Variants in OSBPL8 observed in about 807,000 individuals in gnomAD.
OSBPL8 encodes oxysterol binding protein like 8.
Under a neutral mutation model 125.5 loss-of-function variants are expected in OSBPL8, and 59 were observed. That is an observed-to-expected ratio of 0.47 (90% confidence interval 0.38 to 0.58). The LOEUF (loss-of-function observed/expected upper bound fraction) is 0.58. Among genes scored for constraint, OSBPL8 ranks in the 20% least tolerant of loss-of-function variants. The pLI is 0.00. For missense variants in OSBPL8, 758 were observed against 1,047.8 expected (o/e 0.72, Z 3.82); for synonymous variants, 330 against 338.9 (o/e 0.97, Z 0.29).
At chr12:76,532,535 T>G (rs1950373521) in intron 1 of OSBPL8, among the ~76,000 whole-genome samples, 2 of 152,180 alleles carry the variant, frequency 1.3e-5, no homozygotes, top group Non-Finnish European at 2.9e-5. Context: ...TATTATAAGA[T>G]TTCTAAAAAT....
chr12:76,509,672 A>G (rs1355093903), intron 1 of OSBPL8, among the ~76,000 whole-genome samples: 1 of 152,216 alleles, frequency 6.6e-6, no homozygotes, highest in Non-Finnish European at 1.5e-5. Flanking sequence ...AAAAATGATG[A>G]TGATAATAAT....
intron 2 of OSBPL8, among the ~76,000 whole-genome samples, chr12:76,464,972 T>C (rs890576861): frequency 2.6e-5 from 4 of 152,202 alleles, no homozygotes; most frequent in African/African-American, 9.6e-5. Context: ...CAGAGAGAGC[T>C]ATATAGTGCA....
At chr12:76,536,366 C>T (rs1239721301) in intron 1 of OSBPL8, among the ~76,000 whole-genome samples, 3 of 150,448 alleles carry the variant, frequency 2.0e-5, no homozygotes, top group Admixed American at 6.6e-5. Context: ...ACTAAAAATA[C>T]CAAAAAAAAA....
At chr12:76,528,062 C>A (rs1045108234) in intron 1 of OSBPL8, among the ~76,000 whole-genome samples, 7 of 152,176 alleles carry the variant, frequency 4.6e-5, no homozygotes, top group Non-Finnish European at 7.3e-5. Flanking sequence ...GTGGCTCACA[C>A]CTGTAATCCC....
At chr12:76,377,780 G>A (rs1338466262) in intron 16 of OSBPL8, among the ~76,000 whole-genome samples, 1 of 152,096 alleles carries the variant, frequency 6.6e-6, no homozygotes, top group Non-Finnish European at 1.5e-5. Flanking sequence ...AACCACCTGG[G>A]TTCAGATCCT....
At chr12:76,439,159 T>C (rs1871867393) in intron 4 of OSBPL8, among the ~76,000 whole-genome samples, 1 of 152,152 alleles carries the variant, frequency 6.6e-6, no homozygotes, top group African/African-American at 2.4e-5. Flanking sequence ...GGTGTGCAGA[T>C]CACGAGGTCA....
intron 8 of OSBPL8, among the ~76,000 whole-genome samples, chr12:76,396,213 C>A (rs1953794259): frequency 6.6e-6 from 1 of 152,060 alleles, no homozygotes; most frequent in Non-Finnish European, 1.5e-5. Context: ...ATGGAACTAA[C>A]TCGGTGATCC....
At position 76,479,496 on chromosome 12, in the gene OSBPL8, C is replaced by T. The variant is rs138109007; in HGVS notation, c.42+8014G>A. ...CCAATTAGAATTCTAATGTATACCA[C>T]TATCGAAATAACAGATCTAGGCAAT... On this transcript the variant is annotated intron_variant, in intron 2 of 23. Transcript: ENST00000261183. Among the ~76,000 whole-genome samples the T allele has an allele frequency of 7.0e-4, 106 of 152,296 alleles. 1 individual carries two copies. The East Asian group carries it at 0.019, about 28-fold the overall frequency.
intron 2 of OSBPL8, among the ~76,000 whole-genome samples, chr12:76,462,062 A>G (rs1280948994): frequency 6.6e-6 from 1 of 152,212 alleles, no homozygotes; most frequent in Non-Finnish European, 1.5e-5. Flanking sequence ...TAGATTTATC[A>G]GTAACTTCCT....
chr12:76,400,979 G>T (rs1016672014), intron 6 of OSBPL8, among the ~76,000 whole-genome samples: 1 of 151,540 alleles, frequency 6.6e-6, no homozygotes, highest in East Asian at 1.9e-4. Context: ...TGTAGAGATG[G>T]GGTTTCACTA....
chr12:76,552,975 G>T (rs889348828), intron 1 of OSBPL8, among the ~76,000 whole-genome samples: 1 of 152,076 alleles, frequency 6.6e-6, no homozygotes, highest in East Asian at 1.9e-4. Context: ...CTTCCAAATT[G>T]CTGATCTTAC....
intron 1 of OSBPL8, among the ~76,000 whole-genome samples, chr12:76,523,090 A>G (rs149520932): frequency 0.011 from 1,612 of 152,272 alleles, 18 homozygotes; most frequent in Non-Finnish European, 0.017. Flanking sequence ...TGTCCGCCTC[A>G]GCTTCCCAAA....
chr12:76,470,286 C>T (rs905808251), intron 2 of OSBPL8, among the ~76,000 whole-genome samples: 1 of 152,194 alleles, frequency 6.6e-6, no homozygotes, highest in Non-Finnish European at 1.5e-5. Context: ...AAGCTATAAC[C>T]TTGAGCTTTG....
chr12:76,394,002 G>A (rs1209283428), intron 9 of OSBPL8, among the ~76,000 whole-genome samples: 1 of 152,136 alleles, frequency 6.6e-6, no homozygotes, highest in African/African-American at 2.4e-5. Flanking sequence ...GCTGGCAACA[G>A]AGCGAGACTC....
intron 1 of OSBPL8, among the ~76,000 whole-genome samples, chr12:76,506,076 T>A (rs1324043993): frequency 6.6e-6 from 1 of 152,218 alleles, no homozygotes; most frequent in African/African-American, 2.4e-5. Flanking sequence ...CTTTCTATAC[T>A]TTGAATATGC....
At chr12:76,368,985 G>A (rs1245670265) in intron 21 of OSBPL8, among the ~76,000 whole-genome samples, 1 of 152,140 alleles carries the variant, frequency 6.6e-6, no homozygotes, top group Non-Finnish European at 1.5e-5. Flanking sequence ...TTCTTGACCA[G>A]TGTTCACTTG....
chr12:76,386,417 G>A (rs536253007), intron 13 of OSBPL8, 151 bp from the exon 14 acceptor site: 5 of 1,334,994 alleles, frequency 3.7e-6, no homozygotes, highest in Admixed American at 3.1e-5. Context: ...AAAATTAAAT[G>A]ACTTCAATCA....
At chr12:76,449,321 G>A (rs1229082543) in intron 4 of OSBPL8, among the ~76,000 whole-genome samples, 1 of 152,152 alleles carries the variant, frequency 6.6e-6, no homozygotes, top group African/African-American at 2.4e-5. Context: ...CTTCAGCTGA[G>A]GAGCAGAATC....
chr12:76,437,612 A>G (rs561888918), intron 4 of OSBPL8, among the ~76,000 whole-genome samples: 2 of 152,274 alleles, frequency 1.3e-5, no homozygotes, highest in South Asian at 4.2e-4. Flanking sequence ...GCTTTTCTTC[A>G]AGAGTATCTT....
Sources: gnomAD v4.1 joint callset for allele counts (sites outside exome capture counted in the v4.1 genomes callset) on GRCh38, gnomAD v4.1.1 for gene constraint, MANE v1.5 for transcripts, NCBI Gene and HGNC (gene_info 2026-07-23, HGNC 2026-07-21) for gene names.